Variants in PTPRM observed in about 807,000 individuals in gnomAD.
PTPRM encodes the protein protein tyrosine phosphatase receptor type M.
In PTPRM, 47 loss-of-function variants were observed where a neutral mutation model predicts 186.7. The ratio of observed to expected loss-of-function variants is 0.25; its 90% confidence interval spans 0.20 to 0.32. The LOEUF (loss-of-function observed/expected upper bound fraction) is 0.32. Ranked by LOEUF, PTPRM falls within the 10% of genes least tolerant of loss-of-function variation. The pLI is 1.00. For synonymous variants in PTPRM, 668 were observed against 674.9 expected (o/e 0.99, Z 0.16); for missense variants, 1,494 against 1,865.0 (o/e 0.80, Z 3.66).
chr18:7,883,487 G>A (rs1297980743), intron 2 of PTPRM, among the ~76,000 whole-genome samples: 1 of 152,168 alleles, frequency 6.6e-6, no homozygotes, highest in Non-Finnish European at 1.5e-5. Flanking sequence ...GAACTAAGAA[G>A]CAACACTTCT....
chr18:7,907,149 C>A (rs185930257), intron 4 of PTPRM, among the ~76,000 whole-genome samples: 1 of 152,310 alleles, frequency 6.6e-6, no homozygotes, highest in East Asian at 1.9e-4. Flanking sequence ...CTACTATGAA[C>A]AACTAACAGT....
At chr18:8,133,037 A>C (rs2092552273) in intron 13 of PTPRM, among the ~76,000 whole-genome samples, 1 of 152,162 alleles carries the variant, frequency 6.6e-6, no homozygotes, top group Non-Finnish European at 1.5e-5. Flanking sequence ...TGGTAGGGTC[A>C]TCTCATGACA....
At chr18:8,013,974 T>C (rs1168716585) in intron 7 of PTPRM, among the ~76,000 whole-genome samples, 1 of 152,130 alleles carries the variant, frequency 6.6e-6, no homozygotes. Flanking sequence ...AAACATATCA[T>C]CCCGAAACTC....
At chr18:7,897,614 A>C in intron 3 of PTPRM, among the ~76,000 whole-genome samples, 1 of 152,228 alleles carries the variant, frequency 6.6e-6, no homozygotes, top group East Asian at 1.9e-4. Context: ...TCACCCTCAA[A>C]GATCTTATTT....
At chr18:8,111,624 T>A (rs1231459557) in intron 11 of PTPRM, among the ~76,000 whole-genome samples, 1 of 142,254 alleles carries the variant, frequency 7.0e-6, no homozygotes, top group Non-Finnish European at 1.6e-5. Context: ...AAAAAAAAAA[T>A]TATTTTATTA....
chr18:7,862,675 T>C (rs1211684161), intron 2 of PTPRM, among the ~76,000 whole-genome samples: 6 of 152,228 alleles, frequency 3.9e-5, no homozygotes, highest in Admixed American at 3.9e-4. Flanking sequence ...CTAGTTCTGC[T>C]AAGACTGTGA....
chr18:8,074,292 T>C (rs770796957), intron 8 of PTPRM, among the ~76,000 whole-genome samples: 8 of 152,234 alleles, frequency 5.3e-5, no homozygotes, highest in Non-Finnish European at 1.2e-4. Flanking sequence ...GATATGTTTG[T>C]CCATTCACCA....
intron 1 of PTPRM, among the ~76,000 whole-genome samples, chr18:7,703,647 A>G (rs1484591681): frequency 3.9e-5 from 6 of 152,114 alleles, no homozygotes; most frequent in African/African-American, 1.2e-4. Flanking sequence ...CTCTCTTCCT[A>G]TTTGAATACC....
At chr18:8,392,657 G>A (rs1020491490) in intron 31 of PTPRM, among the ~76,000 whole-genome samples, 14 of 152,096 alleles carry the variant, frequency 9.2e-5, no homozygotes, top group Admixed American at 1.3e-4. Context: ...ATCTCCTTGA[G>A]GAGAGAGTGA....
intron 2 of PTPRM, among the ~76,000 whole-genome samples, chr18:7,851,021 G>T (rs183573136): frequency 1.3e-5 from 2 of 152,204 alleles, no homozygotes; most frequent in Non-Finnish European, 2.9e-5. Flanking sequence ...ATTTCATAGA[G>T]AACTAATTCT....
intron 2 of PTPRM, among the ~76,000 whole-genome samples, chr18:7,782,261 T>G (rs1169259706): frequency 2.0e-5 from 3 of 151,750 alleles, no homozygotes; most frequent in Non-Finnish European, 4.4e-5. Flanking sequence ...GTAATGGGTG[T>G]GTGAGGGAGG....
At chr18:7,653,490 G>T (rs2038772712) in intron 1 of PTPRM, among the ~76,000 whole-genome samples, 1 of 151,922 alleles carries the variant, frequency 6.6e-6, no homozygotes, top group Non-Finnish European at 1.5e-5. Flanking sequence ...CTTTCCCATA[G>T]ACCGCAGTGT....
At chr18:8,114,493 AC>A in intron 12 of PTPRM, among the ~76,000 whole-genome samples, 1 of 152,246 alleles carries the variant, frequency 6.6e-6, no homozygotes, top group Middle Eastern at 3.4e-3. Flanking sequence ...GGGGCAAAGT[AC>A]AGATCTGGTC....
At chr18:7,886,049 C>A (rs534865220) in intron 2 of PTPRM, among the ~76,000 whole-genome samples, 1 of 152,326 alleles carries the variant, frequency 6.6e-6, no homozygotes, top group Admixed American at 6.5e-5. Context: ...ATACAATATT[C>A]TTGGCAATAT....
intron 15 of PTPRM, among the ~76,000 whole-genome samples, chr18:8,244,567 G>T (rs1205856228): frequency 1.3e-5 from 2 of 152,182 alleles, no homozygotes; most frequent in African/African-American, 4.8e-5. Context: ...CACATGGGAA[G>T]CCTGTTATAA....
chr18:7,613,116 A>C (rs989027390), intron 1 of PTPRM, among the ~76,000 whole-genome samples: 1 of 152,168 alleles, frequency 6.6e-6, no homozygotes, highest in Admixed American at 6.5e-5. Flanking sequence ...CTGGGAAGAT[A>C]GGTTTGCTTA....
At chr18:7,998,395 C>A (rs954373415) in intron 7 of PTPRM, among the ~76,000 whole-genome samples, 4 of 151,928 alleles carry the variant, frequency 2.6e-5, no homozygotes, top group Admixed American at 6.6e-5. Context: ...GGGTTGGAAG[C>A]CCCAATTACC....
intron 20 of PTPRM, among the ~76,000 whole-genome samples, chr18:8,303,686 G>T (rs1231763731): frequency 6.6e-6 from 1 of 152,166 alleles, no homozygotes; most frequent in Non-Finnish European, 1.5e-5. Flanking sequence ...GTCAGAAAAA[G>T]AGTTAGAAAA....
chr18:8,184,609 A>G (rs1433407054), intron 14 of PTPRM, among the ~76,000 whole-genome samples: 1 of 152,222 alleles, frequency 6.6e-6, no homozygotes. Context: ...TTTTACTTTA[A>G]TATATACCAA....
Sources: gnomAD v4.1 joint callset for allele counts (sites outside exome capture counted in the v4.1 genomes callset) on GRCh38, gnomAD v4.1.1 for gene constraint, MANE v1.5 for transcripts, NCBI Gene and HGNC (gene_info 2026-07-23, HGNC 2026-07-21) for gene names.